DHX58: variants seen among roughly 807,000 people sequenced by gnomAD.
DHX58 encodes DExH-box helicase 58.
A neutral mutation model predicts 65.0 loss-of-function variants in DHX58; 51 were observed. That is an observed-to-expected ratio of 0.78 (90% CI 0.63 to 0.99). The LOEUF is 0.99. DHX58 is among the 50% of genes least tolerant of loss of function. The pLI is 0.00. For missense variants in DHX58, 773 were observed against 891.8 expected (o/e 0.87, Z 1.70); for synonymous variants, 350 against 365.0 (o/e 0.96, Z 0.47).
chr17:42,111,616 C>T (rs560391014), intron 3 of DHX58, 109 bp downstream of exon 3: 8 of 1,570,060 alleles, frequency 5.1e-6, no homozygotes, highest in South Asian at 3.6e-5. Flanking sequence ...GACAGGTGAG[C>T]TTAGCGATGG....
chr17:42,112,132 T>G lies in DHX58; in HGVS notation c.-21A>C, dbSNP rs2054167171. On this transcript the variant is annotated 5_prime_UTR_variant, in exon 2 of 14. Coordinates refer to ENST00000251642, the MANE Select transcript of DHX58 (RefSeq NM_024119.3). ...ACTCACCTGCTCTAGTAGGTAGGTC[T>G]GCCCAGGGCAGTCCCACTTAACTCA... 2.3e-6 allele frequency: 1 copy of G among 442,518 alleles called. No homozygotes were observed. Among genetic ancestry groups the G allele is most frequent in the Non-Finnish European group, 4.0e-6 (1 of 251,230 alleles). The allele number at this position is 442,518 out of a possible 1,614,324, so 27.4% of individuals were successfully genotyped here.
chr17:42,111,736 A>G lies in DHX58; in HGVS notation c.157T>C (p.Leu53=), dbSNP rs1449336645. The G allele has an allele frequency of 2.5e-6, 4 of 1,611,614 alleles. No homozygotes were observed. Among genetic ancestry groups the G allele is most frequent in the African/African-American group, 1.3e-5 (1 of 74,976 alleles). The part of the protein sequence containing the change: ...ETVDGAKVVV[L]VNRVHLVTQH... The stretch of plus-strand genomic sequence containing the variant: ...GACAGACCACTCACCCTGTTGACCA[A>G]TACAACCACCTTGGCTCCATCCACA... Residue 53 remains leucine, a synonymous_variant, in exon 3 of 14, where the codon TTG becomes CTG. Transcript: ENST00000251642.
rs781954841 is a variant in DHX58, at chr17:42,101,737, C to T, written c.*24G>A. 2 of 1,610,480 alleles carry T rather than the reference C, an allele frequency of 1.2e-6. No homozygotes were observed. Among genetic ancestry groups the T allele is most frequent in the East Asian group, 2.2e-5 (1 of 44,808 alleles). ...ACTCTCCCGCCCCCTACAGCCCAAA[C>T]CGGGCACTGCAGCAATGAGGTGGTC... is the stretch of plus-strand genomic sequence containing the variant. On this transcript the variant is annotated 3_prime_UTR_variant, in exon 14 of 14. Transcript: ENST00000251642.
chr17:42,110,962 C>G (rs896443827), intron 4 of DHX58, 49 bp from the exon 5 acceptor site: 1 of 1,526,540 alleles, frequency 6.6e-7, no homozygotes, highest in Non-Finnish European at 8.8e-7. Context: ...AAAGCCCTTC[C>G]TCCCATCAGC....
intron 6 of DHX58, 145 bp from the exon 7 acceptor site, chr17:42,108,253 T>C (rs1555663282): frequency 7.6e-7 from 1 of 1,318,490 alleles, no homozygotes; most frequent in East Asian, 2.5e-5. Flanking sequence ...GGAGGCCGGC[T>C]AGGGTGTGGG....
chr17:42,103,483 C>T (rs1555661899), intron 12 of DHX58, 125 bp downstream of exon 12: 1 of 1,237,634 alleles, frequency 8.1e-7, no homozygotes, highest in East Asian at 2.6e-5. Context: ...CCTGTCTAAC[C>T]AGATTATTGT....
chr17:42,104,707 C>T (rs1036515511), intron 11 of DHX58, 59 bp downstream of exon 11: 7 of 1,591,376 alleles, frequency 4.4e-6, no homozygotes, highest in Non-Finnish European at 5.1e-6. Context: ...CAGAAACCTG[C>T]CAGGGAGGGG....
chr17:42,102,087 T>A, intron 13 of DHX58, 129 bp downstream of exon 13: 2 of 1,409,346 alleles, frequency 1.4e-6, no homozygotes, highest in Non-Finnish European at 2.0e-6. Flanking sequence ...AGGGAGGGGC[T>A]GGACCTCCCT....
intron 5 of DHX58, among the ~76,000 whole-genome samples, 188 bp from the exon 6 acceptor site, chr17:42,109,574 G>A (rs528428920): frequency 2.2e-4 from 33 of 152,326 alleles, no homozygotes; most frequent in African/African-American, 7.7e-4. Context: ...GATTGGAGTT[G>A]GAGAGGCAGA....
chr17:42,110,855 G>A lies in DHX58; in HGVS notation c.429C>T (p.Asn143=), dbSNP rs143561532. The change falls in exon 5 of 14, where the codon AAC becomes AAT. Residue 143 remains asparagine, a synonymous_variant. Coordinates refer to ENST00000251642, the MANE Select transcript of DHX58 (RefSeq NM_024119.3). ...CHHTHKDTVY[N]VIMSQYLELK... ...GTTCTAGGTACTGGCTCATGATGAC[G>A]TTGTAGACGGTGTCCTTGTGCGTGT... The A allele has an allele frequency of 5.9e-5, 95 of 1,613,962 alleles. No homozygotes were observed. Among genetic ancestry groups the A allele is most frequent in the African/African-American group, 9.3e-5 (7 of 75,032 alleles).
In DHX58 at chr17:42,104,816, G is replaced by C. The variant is rs145420212; in HGVS notation, c.1513C>G (p.Gln505Glu). 5.9e-5 allele frequency: 96 copies of C among 1,614,126 alleles called. No homozygotes were observed. In the African/African-American group the frequency reaches 1.2e-3, roughly 20 times the overall value. Residue 505 changes from glutamine to glutamate, a missense_variant, in exon 11 of 14, where the codon CAG becomes GAG. Transcript: ENST00000251642. Reference sequence around the variant, plus strand: ...ATTTTCTGCACAGCAGCCACTGCCTGCTCCATCAGCGTCTCCAGCGCCTCG... The same window carrying C: ...ATTTTCTGCACAGCAGCCACTGCCTCCTCCATCAGCGTCTCCAGCGCCTCG... ...INEALETLME[Q>E]AVAAVQKMDQ...
Position 42,108,010 on chromosome 17 carries a change from C to A in DHX58, c.777G>T (p.Glu259Asp), listed in dbSNP as rs2054091680. Residue 259 changes from glutamate (E) to aspartate (D), a missense_variant, in exon 7 of 14, where the codon GAG (glutamate) becomes GAT (aspartate). Coordinates refer to ENST00000251642, the MANE Select transcript of DHX58 (RefSeq NM_024119.3). ...LSRKFGTQMY[E>D]QQVVKLSEAA... Reference sequence around the variant, plus strand: ...CCTCACTCAGCTTCACCACCTGCTGCTCATACATTTGCGTCCCAAATTTCC... The same window carrying A: ...CCTCACTCAGCTTCACCACCTGCTGATCATACATTTGCGTCCCAAATTTCC... 6.2e-7 allele frequency: 1 copy of A among 1,614,262 alleles called. No individual in the cohort carries two copies. Among genetic ancestry groups the A allele is most frequent in the African/African-American group, 1.3e-5 (1 of 75,066 alleles).
intron 12 of DHX58, 88 bp from the exon 13 acceptor site, chr17:42,102,400 G>A: frequency 8.5e-7 from 1 of 1,174,906 alleles, no homozygotes; most frequent in Non-Finnish European, 1.3e-6. Context: ...TCTCTGCCTG[G>A]ACCTTGGGCC....
chr17:42,102,668 A>G, intron 12 of DHX58: 1 of 180,552 alleles, frequency 5.5e-6, no homozygotes, highest in Non-Finnish European at 1.2e-5. Context: ...AATCTATCCA[A>G]GATTCCTAAG....
intron 13 of DHX58, 110 bp from the exon 14 acceptor site, chr17:42,102,056 T>C: frequency 6.9e-7 from 1 of 1,448,426 alleles, no homozygotes; most frequent in Non-Finnish European, 9.4e-7. Flanking sequence ...ACCTGAGATG[T>C]CACAGACTGT....
At chr17:42,106,440 G>A (rs1555662700) in intron 8 of DHX58, among the ~76,000 whole-genome samples, 1 of 129,424 alleles carries the variant, frequency 7.7e-6, no homozygotes, top group South Asian at 3.1e-4. Flanking sequence ...AAGGTGGGGG[G>A]TGGGGGGTGG....
chr17:42,104,821 A>C lies in DHX58; in HGVS notation c.1508T>G (p.Met503Arg). 1 of 1,614,118 alleles carries C rather than the reference A, an allele frequency of 6.2e-7. No homozygotes were observed. The highest frequency in any genetic ancestry group is 1.7e-5 in the Admixed American group (1 of 60,024). The stretch of plus-strand genomic sequence containing the variant: ...CTGCACAGCAGCCACTGCCTGCTCC[A>C]TCAGCGTCTCCAGCGCCTCGTTGAT... ...ELINEALETLMEQAVAAVQKM... is the reference protein window; with the variant it reads ...ELINEALETLREQAVAAVQKM... Residue 503 changes from methionine to arginine, a missense_variant, in exon 11 of 14, where the codon ATG (methionine) becomes AGG (arginine). Transcript: ENST00000251642.
chr17:42,103,576 C>A (rs781810659), intron 12 of DHX58, 32 bp downstream of exon 12: 1 of 1,611,408 alleles, frequency 6.2e-7, no homozygotes, highest in African/African-American at 1.3e-5. Context: ...TTCCCAGGCC[C>A]CCATCCCAGT....
At chr17:42,107,216 A>G (rs2054074352) in intron 8 of DHX58, among the ~76,000 whole-genome samples, 2 of 152,110 alleles carry the variant, frequency 1.3e-5, no homozygotes, top group Admixed American at 1.3e-4. Flanking sequence ...ATTTTTTTTA[A>G]TTAGCTGGGA....
Sources: gnomAD v4.1 joint callset for allele counts (sites outside exome capture counted in the v4.1 genomes callset) on GRCh38, gnomAD v4.1.1 for gene constraint, MANE v1.5 for transcripts, NCBI Gene and HGNC (gene_info 2026-07-23, HGNC 2026-07-21) for gene names.